The following SFXN1 variants were observed in gnomAD, a reference collection of about 807,000 sequenced individuals.
The protein encoded by SFXN1 is sideroflexin 1.
In SFXN1, 32 loss-of-function variants were observed where a neutral mutation model predicts 39.5. The ratio of observed to expected loss-of-function variants is 0.81; its 90% CI spans 0.61 to 1.09. The LOEUF (loss-of-function observed/expected upper bound fraction) is 1.09, where lower values mean the gene tolerates loss of function less well. Ranked by LOEUF, SFXN1 falls within the 50% of genes least tolerant of loss-of-function variation. The pLI is 0.00. For missense variants in SFXN1, 402 were observed against 407.1 expected (o/e 0.99, Z 0.11); for synonymous variants, 136 against 146.5 (o/e 0.93, Z 0.52).
At chr5:175,515,903 C>G (rs892607054) in intron 7 of SFXN1, among the ~76,000 whole-genome samples, 2 of 152,190 alleles carry the variant, frequency 1.3e-5, no homozygotes, top group African/African-American at 4.8e-5. Context: ...TTTCCTGCAG[C>G]TAGACAGTCC....
intron 2 of SFXN1, among the ~76,000 whole-genome samples, chr5:175,493,795 C>T (rs530246073): frequency 1.4e-4 from 22 of 152,212 alleles, no homozygotes; most frequent in Non-Finnish European, 2.9e-4. Context: ...AGAAGCTTGC[C>T]GGGGTGAAGA....
intron 5 of SFXN1, 100 bp downstream of exon 5, chr5:175,511,626 G>A (rs1760519651): frequency 1.1e-6 from 1 of 932,594 alleles, no homozygotes; most frequent in Non-Finnish European, 1.7e-6. Context: ...CAAGTCATAT[G>A]GCTTTCTTGT....
Position 175,509,088 on chromosome 5 carries a change from T to C in SFXN1, c.221T>C (p.Ile74Thr), listed in dbSNP as rs1457670277. 1 of 1,613,948 alleles carries C rather than the reference T, an allele frequency of 6.2e-7. No homozygotes were observed. Among genetic ancestry groups the C allele is most frequent in the Non-Finnish European group, 8.5e-7 (1 of 1,179,952 alleles). ...AATGAATTGTGGAGAGCAAAGTACA[T>C]CTATGATTCAGCTTTTCATCCTGAC... Reference protein sequence around the residue: ...TENELWRAKYIYDSAFHPDTG... With the variant: ...TENELWRAKYTYDSAFHPDTG... Residue 74 changes from isoleucine (I) to threonine (T), a missense_variant, in exon 3 of 11, where the codon ATC becomes ACC. Physicochemically the swap from Ile to Thr is moderately conservative, Grantham distance 89 (BLOSUM62 -1). Coordinates refer to ENST00000321442, the MANE Select transcript of SFXN1 (RefSeq NM_022754.7).
At chr5:175,521,884 A>G (rs1561676806) in intron 8 of SFXN1, 35 bp from the exon 9 acceptor site, 2 of 1,564,080 alleles carry the variant, frequency 1.3e-6, no homozygotes, top group Non-Finnish European at 1.7e-6. Context: ...GACCCTGTAT[A>G]AAAAGTATTC....
intron 1 of SFXN1, among the ~76,000 whole-genome samples, chr5:175,481,498 T>G (rs893799079): frequency 3.9e-5 from 6 of 152,192 alleles, no homozygotes; most frequent in Non-Finnish European, 8.8e-5. Flanking sequence ...GTATTTTTAG[T>G]AGAGACGGGG....
Position 175,492,113 on chromosome 5 carries a change from G to A in SFXN1, c.10G>A (p.Glu4Lys). MSG[E>K]LPPNINIKEP... is the part of the protein sequence containing the mutation. The stretch of plus-strand genomic sequence containing the variant: ...TTTGCAGTCCGGGACCATGTCTGGA[G>A]AACTACCACCAAACATTAACATCAA... Residue 4 changes from glutamate (E) to lysine (K), a missense_variant, in exon 2 of 11, where the codon GAA becomes AAA. Transcript: ENST00000321442. 1.9e-6 allele frequency: 3 copies of A among 1,613,174 alleles called. No homozygotes were observed. The highest frequency in any genetic ancestry group is 2.5e-6 in the Non-Finnish European group (3 of 1,179,762).
intron 2 of SFXN1, among the ~76,000 whole-genome samples, chr5:175,506,453 A>T (rs983387912): frequency 6.6e-6 from 1 of 152,254 alleles, no homozygotes; most frequent in Non-Finnish European, 1.5e-5. Context: ...AATGTTGTAC[A>T]TAGCTTTTGT....
intron 2 of SFXN1, 68 bp from the exon 3 acceptor site, chr5:175,508,964 A>G (rs1221304392): frequency 1.4e-6 from 2 of 1,460,056 alleles, no homozygotes; most frequent in Non-Finnish European, 9.3e-7. Flanking sequence ...CCTTGTAGCC[A>G]CTTGTCTCTA....
At chr5:175,508,921 C>T in intron 2 of SFXN1, 111 bp from the exon 3 acceptor site, 1 of 1,034,262 alleles carries the variant, frequency 9.7e-7, no homozygotes, top group East Asian at 2.6e-5. Flanking sequence ...AGACGTAAGC[C>T]ACCACACCCA....
In SFXN1 at chr5:175,514,807, C is replaced by T. The variant is rs138393840; in HGVS notation, c.724+1217C>T. The stretch of plus-strand genomic sequence containing the variant: ...AACACAGGAGTGCCTTGGTGCCCTG[C>T]CTGAGGCTAATGTGTTCTGTAGGGG... On this transcript the variant is annotated intron_variant, in intron 7 of 10. Transcript: ENST00000321442. Among the ~76,000 whole-genome samples the T allele has an allele frequency of 3.3e-4, 50 of 152,274 alleles. No homozygotes were observed. The East Asian group carries it at 8.1e-3, about 25-fold the overall frequency.
intron 2 of SFXN1, among the ~76,000 whole-genome samples, chr5:175,495,868 G>T (rs1759840567): frequency 6.6e-6 from 1 of 150,588 alleles, no homozygotes; most frequent in African/African-American, 2.4e-5. Flanking sequence ...TCTCTAGTAT[G>T]AAATACTGTA....
chr5:175,494,428 A>G (rs7718943), intron 2 of SFXN1, among the ~76,000 whole-genome samples: 42,516 of 152,130 alleles, frequency 0.28, 6,285 homozygotes, highest in South Asian at 0.45. Context: ...ACAATAGATC[A>G]TCTTTATTTG....
chr5:175,504,461 G>C (rs2113315353), intron 2 of SFXN1, among the ~76,000 whole-genome samples: 1 of 151,882 alleles, frequency 6.6e-6, no homozygotes, highest in East Asian at 2.0e-4. Context: ...TGTAGTCGCA[G>C]GTACTCCAGA....
intron 2 of SFXN1, among the ~76,000 whole-genome samples, chr5:175,502,560 C>G (rs907446039): frequency 6.6e-6 from 1 of 152,326 alleles, no homozygotes; most frequent in South Asian, 2.1e-4. Context: ...AACGTACTGG[C>G]CGGGCACAGT....
chr5:175,529,740 A>C lies in SFXN1; in HGVS notation c.*3006A>C, dbSNP rs1761196874. On this transcript the variant is annotated 3_prime_UTR_variant, in exon 11 of 11. Coordinates refer to ENST00000321442, the MANE Select transcript of SFXN1 (RefSeq NM_022754.7). ...TGTTAAATAAACTCAGAATGAAAAT[A>C]AATTCTCTCTTTTATTTGTACATAA... 1 of 152,230 alleles carries C rather than the reference A, an allele frequency of 6.6e-6. No individual in the cohort carries two copies. Among genetic ancestry groups the C allele is most frequent in the Admixed American group, 6.5e-5 (1 of 15,280 alleles). 9.4% of individuals were successfully genotyped at this position (152,230 alleles called of 1,614,324 possible).
chr5:175,482,067 C>A (rs1759274923), intron 1 of SFXN1, among the ~76,000 whole-genome samples: 2 of 152,154 alleles, frequency 1.3e-5, no homozygotes, highest in African/African-American at 4.8e-5. Context: ...CTCCGAGCGG[C>A]TCTATAAAAC....
At position 175,511,525 on chromosome 5, in the gene SFXN1, A is replaced by G; in HGVS notation, c.509A>G (p.Lys170Arg). The change falls in exon 5 of 11, where the codon AAG (lysine) becomes AGG (arginine). Residue 170 changes from lysine to arginine, a missense_variant and splice_region_variant. Coordinates refer to ENST00000321442, the MANE Select transcript of SFXN1 (RefSeq NM_022754.7). ...ATALGLNALT[K>R]HVSPLIGRFV... Reference sequence around the variant, plus strand: ...GCTCTAGGACTCAATGCATTGACCAAGGTACTCAGATTTTTATTTCCATAA... The same window carrying G: ...GCTCTAGGACTCAATGCATTGACCAGGGTACTCAGATTTTTATTTCCATAA... 1 of 1,612,324 alleles carries G rather than the reference A, an allele frequency of 6.2e-7. No individual in the cohort carries two copies. Among genetic ancestry groups the G allele is most frequent in the Non-Finnish European group, 8.5e-7 (1 of 1,178,992 alleles).
At chr5:175,516,776 G>A (rs1473455700) in intron 8 of SFXN1, 113 bp downstream of exon 8, 3 of 962,178 alleles carry the variant, frequency 3.1e-6, no homozygotes, top group Non-Finnish European at 4.6e-6. Context: ...CCAGTTTCCT[G>A]GGCTCTTACG....
At chr5:175,490,478 A>G (rs1354926938) in intron 1 of SFXN1, among the ~76,000 whole-genome samples, 2 of 152,220 alleles carry the variant, frequency 1.3e-5, no homozygotes, top group Admixed American at 6.5e-5. Flanking sequence ...TTGAGAAAGT[A>G]TACAAGAATG....
Sources: gnomAD v4.1 joint callset for allele counts (sites outside exome capture counted in the v4.1 genomes callset) on GRCh38, gnomAD v4.1.1 for gene constraint, MANE v1.5 for transcripts, NCBI Gene and HGNC (gene_info 2026-07-23, HGNC 2026-07-21) for gene names.